The following LFNG variants were observed in gnomAD, a reference collection of about 807,000 sequenced individuals.
LFNG encodes LFNG O-fucosylpeptide 3-beta-N-acetylglucosaminyltransferase.
LFNG carries 15 observed loss-of-function variants against 32.7 expected under a neutral mutation model. The ratio of observed to expected loss-of-function variants is 0.46; its 90% CI spans 0.31 to 0.71. LFNG has a LOEUF of 0.71. Among genes scored for constraint, LFNG ranks in the 30% least tolerant of loss-of-function variants. The probability of loss-of-function intolerance (pLI) is 0.06; values close to 1 mark genes in which losing one functional copy is unlikely to be tolerated. For missense variants in LFNG, 520 were observed against 545.7 expected (o/e 0.95, Z 0.47); for synonymous variants, 274 against 246.8 (o/e 1.11, Z -1.03).
At chr7:2,524,352 G>C (rs932002200) in intron 1 of LFNG, among the ~76,000 whole-genome samples, 1 of 152,170 alleles carries the variant, frequency 6.6e-6, no homozygotes, top group African/African-American at 2.4e-5. Flanking sequence ...TGCACGGGGC[G>C]GGTCGGGAAC....
At chr7:2,524,232 C>A (rs1445156384) in intron 1 of LFNG, among the ~76,000 whole-genome samples, 1 of 152,194 alleles carries the variant, frequency 6.6e-6, no homozygotes. Flanking sequence ...CTTCCCACAG[C>A]CGACCTCCTC....
At chr7:2,516,960 C>T (rs1176293790), upstream of LFNG, among the ~76,000 whole-genome samples, 1 of 152,158 alleles carries the variant, frequency 6.6e-6, no homozygotes, top group East Asian at 1.9e-4. Flanking sequence ...TATCCCCAGC[C>T]CCTCTTCCCC....
chr7:2,525,007 A>G (rs926674883), intron 2 of LFNG, among the ~76,000 whole-genome samples: 14 of 152,124 alleles, frequency 9.2e-5, no homozygotes, highest in Non-Finnish European at 1.8e-4. Flanking sequence ...AGCTGCCTGA[A>G]TGGGCGGGGG....
downstream of LFNG, chr7:2,529,047 G>T: frequency 2.3e-6 from 1 of 429,218 alleles, no homozygotes; most frequent in Non-Finnish European, 4.2e-6. This position sits in a 1 kb window ranked among gnomAD's most constrained non-coding sequence, Gnocchi z 4.2. Flanking sequence ...CCCCGCTCAG[G>T]GGTGGTGGGA....
rs1562555925 is a variant in LFNG at position 2,527,053 on chromosome 7, T to G, written c.1074-93T>G. ...AGGTGTCCCCCGGAGTCCTGCTTGC[T>G]CGGGGTGGGGCCGCCAGTGTTGTGG... On this transcript the variant is annotated intron_variant, in intron 7 of 7. Transcript: ENST00000222725. This position sits in a 1 kb window ranked among gnomAD's most constrained non-coding sequence, Gnocchi z 4.4. 6.9e-7 allele frequency: 1 copy of G among 1,455,816 alleles called. No individual in the cohort carries two copies. Among genetic ancestry groups the G allele is most frequent in the Non-Finnish European group, 9.6e-7 (1 of 1,046,004 alleles). The allele number at this position is 1,455,816 out of a possible 1,614,324, so 90.2% of individuals were successfully genotyped here.
chr7:2,525,267 T>C lies in LFNG; in HGVS notation c.530T>C (p.Leu177Pro). ...TCGGCCGCCCACAGCCGCCAGGCGC[T>C]GTCCTGCAAGATGGCCGTGGAGTAT... ...NCSAAHSRQA[L>P]SCKMAVEYDR... The change falls in exon 3 of 8, where the codon CTG becomes CCG. Residue 177 changes from leucine to proline, a missense_variant. By Grantham distance (98) the Leu-to-Pro change is moderately conservative. Transcript: ENST00000222725. 3 of 1,613,024 alleles carry C rather than the reference T, an allele frequency of 1.9e-6. No individual in the cohort carries two copies. The highest frequency in any genetic ancestry group is 2.5e-6 in the Non-Finnish European group (3 of 1,179,904).
upstream of LFNG, among the ~76,000 whole-genome samples, chr7:2,515,122 C>T (rs1779593858): frequency 6.6e-6 from 1 of 151,998 alleles, no homozygotes; most frequent in Admixed American, 6.6e-5. Context: ...ATCCATCTGC[C>T]CCTCCATCTA....
upstream of LFNG, among the ~76,000 whole-genome samples, chr7:2,519,002 C>A (rs190095221): frequency 2.6e-5 from 4 of 152,208 alleles, no homozygotes; most frequent in African/African-American, 9.6e-5. Context: ...CTGGCCCGAG[C>A]GCAAGGAGAC....
chr7:2,527,627 G>A lies in LFNG; in HGVS notation c.*415G>A, dbSNP rs1202801286. ...CACAAGCTCTGTGCTGGGGGTACCT[G>A]TGCCCTGAAGTCCTGGCCCCTGTGT... On this transcript the variant is annotated 3_prime_UTR_variant, in exon 8 of 8. Coordinates refer to ENST00000222725, the MANE Select transcript of LFNG (RefSeq NM_001040167.2). The surrounding 1 kb of genome is among the most constrained non-coding windows in gnomAD (Gnocchi z 4.4). The A allele has an allele frequency of 4.3e-6, 5 of 1,165,686 alleles. No individual in the cohort carries two copies. The highest frequency in any genetic ancestry group is 1.6e-5 in the African/African-American group (1 of 62,406). The allele number at this position is 1,165,686 out of a possible 1,614,324, so 72.2% of individuals were successfully genotyped here.
intron 1 of LFNG, among the ~76,000 whole-genome samples, chr7:2,521,818 A>T (rs1291001762): frequency 6.6e-6 from 1 of 152,178 alleles, no homozygotes; most frequent in East Asian, 1.9e-4. Flanking sequence ...ATGGGGGAAC[A>T]TGGTCCTTCC....
chr7:2,521,237 T>G (rs1779780263), intron 1 of LFNG, among the ~76,000 whole-genome samples: 1 of 151,200 alleles, frequency 6.6e-6, no homozygotes, highest in African/African-American at 2.4e-5. Context: ...AGGGGCAGGG[T>G]CCTCCCTGGT....
chr7:2,528,769 C>T, downstream of LFNG: 1 of 648,996 alleles, frequency 1.5e-6, no homozygotes, highest in Admixed American at 2.5e-5. Context: ...GAGCCCAGCC[C>T]CTGCAGGAGG....
chr7:2,516,298 G>T (rs1189625248), upstream of LFNG, among the ~76,000 whole-genome samples: 1 of 152,214 alleles, frequency 6.6e-6, no homozygotes. Context: ...CAGGCGCCTC[G>T]GATGGCTTCC....
At chr7:2,529,117 CAG>C, downstream of LFNG, 1 of 381,264 alleles carries the variant, frequency 2.6e-6, no homozygotes, top group Non-Finnish European at 4.7e-6. The surrounding 1 kb of genome is among the most constrained non-coding windows in gnomAD (Gnocchi z 4.2). Context: ...CCAGCCCCTG[CAG>C]AGATCCAGAC....
exon 1 of LFNG, chr7:2,512,591 G>A: frequency 1.4e-6 from 2 of 1,453,958 alleles, no homozygotes; most frequent in Admixed American, 1.7e-5. Flanking sequence ...AGAGGCCAAG[G>A]CGGCTCCTGG....
rs953055803 is a variant in LFNG at position 2,528,307 on chromosome 7, G to T, written c.*1095G>T. Reference sequence around the variant, plus strand: ...TGTCCCGTGGGCTGTGTTTCTTGTTGTTTTTCTCTTTGCAAAGACATAGCT... The same window carrying T: ...TGTCCCGTGGGCTGTGTTTCTTGTTTTTTTTCTCTTTGCAAAGACATAGCT... On this transcript the variant is annotated 3_prime_UTR_variant, in exon 8 of 8. Coordinates refer to ENST00000222725, the MANE Select transcript of LFNG (RefSeq NM_001040167.2). 2.0e-6 allele frequency: 2 copies of T among 986,072 alleles called. No individual in the cohort carries two copies. Among genetic ancestry groups the T allele is most frequent in the African/African-American group, 3.5e-5 (2 of 57,236 alleles). The allele number at this position is 986,072 out of a possible 1,614,324, so 61.1% of individuals were successfully genotyped here.
chr7:2,527,277 C>T lies in LFNG; in HGVS notation c.*65C>T, dbSNP rs760735207. 2.3e-5 allele frequency: 37 copies of T among 1,592,882 alleles called. No individual in the cohort carries two copies. Among genetic ancestry groups the T allele is most frequent in the African/African-American group, 5.4e-5 (4 of 74,464 alleles). ...TCCAAAGGGCCCAGGGACCCTGTTG[C>T]GCTGCCCTGGCCTCGGCATTCGAGG... On this transcript the variant is annotated 3_prime_UTR_variant, in exon 8 of 8. Transcript: ENST00000222725. The surrounding 1 kb of genome is among the most constrained non-coding windows in gnomAD (Gnocchi z 4.4).
upstream of LFNG, among the ~76,000 whole-genome samples, chr7:2,518,760 G>C (rs1203873511): frequency 6.6e-6 from 1 of 152,166 alleles, no homozygotes; most frequent in Non-Finnish European, 1.5e-5. Context: ...GCAGCCACGG[G>C]CAGAGCCGCC....
chr7:2,524,740 A>G lies in LFNG; in HGVS notation c.478A>G (p.Thr160Ala), dbSNP rs374195152. Residue 160 changes from threonine (T) to alanine (A), a missense_variant, in exon 2 of 8, where the codon ACG (threonine) becomes GCG (alanine). By Grantham distance (58) the Thr-to-Ala change is moderately conservative. This residue lies in a region of LFNG where 360 missense variants were observed against 354.7 expected (regional missense o/e 1.01). Transcript: ENST00000222725. ...GGAAGATGAGGCCCTGGCCAGGCAC[A>G]CGGGTGAGCCCTGGACTTGGGGCGG... ...DGEDEALARHTGNVVITNCSA... is the reference protein window; with the variant it reads ...DGEDEALARHAGNVVITNCSA... The G allele has an allele frequency of 6.3e-7, 1 of 1,588,088 alleles. No individual in the cohort carries two copies. Among genetic ancestry groups the G allele is most frequent in the Non-Finnish European group, 8.6e-7 (1 of 1,167,308 alleles).
Sources: gnomAD v4.1 joint callset for allele counts (sites outside exome capture counted in the v4.1 genomes callset) on GRCh38, gnomAD v4.1.1 for gene constraint, gnomAD v4.1.1 regional missense constraint, Gnocchi (gnomAD v3.1) non-coding constraint, MANE v1.5 for transcripts, NCBI Gene and HGNC (gene_info 2026-07-23, HGNC 2026-07-21) for gene names.